The following ZNF678 variants were observed in gnomAD, a reference collection of about 807,000 sequenced individuals.
ZNF678 encodes the protein hypothetical protein MGC42493.
In ZNF678, 5 loss-of-function variants were observed where a neutral mutation model predicts 3.0. That is an observed-to-expected ratio of 1.69 (90% CI 0.88 to 3.56). ZNF678 has a LOEUF of 3.56. ZNF678 is among the 30% of genes most tolerant of loss of function. The pLI, the probability that ZNF678 is intolerant of heterozygous loss-of-function variation, is 0.00. For synonymous variants in ZNF678, 218 were observed against 199.6 expected, an observed-to-expected ratio of 1.09 and a Z score of -0.78; for missense variants, 593 against 605.0, an observed-to-expected ratio of 0.98 and a Z score of 0.21.
At chr1:227,606,023 G>T (rs1232173292) in intron 1 of ZNF678, among the ~76,000 whole-genome samples, 2 of 152,128 alleles carry the variant, frequency 1.3e-5, no homozygotes, top group East Asian at 3.9e-4. Context: ...AAGTGAAGGG[G>T]GCCTGCCCCT....
At chr1:227,643,989 G>A (rs1245083603) in intron 1 of ZNF678, among the ~76,000 whole-genome samples, 4 of 150,434 alleles carry the variant, frequency 2.7e-5, no homozygotes, top group Admixed American at 6.6e-5. Context: ...TCAGCCTCCC[G>A]AGTGGCTGGG....
chr1:227,652,381 T>C (rs1659111925), intron 3 of ZNF678, among the ~76,000 whole-genome samples: 1 of 152,156 alleles, frequency 6.6e-6, no homozygotes. Context: ...TAGTTTGTGG[T>C]TTTTAAAATT....
intron 1 of ZNF678, among the ~76,000 whole-genome samples, chr1:227,621,279 A>C (rs1162140952): frequency 6.6e-6 from 1 of 152,224 alleles, no homozygotes; most frequent in South Asian, 2.1e-4. Flanking sequence ...CATTGTTAAT[A>C]AACTATGTAT....
chr1:227,582,540 G>A, intron 1 of ZNF678: 1 of 205,530 alleles, frequency 4.9e-6, no homozygotes, highest in Non-Finnish European at 1.0e-5. Context: ...TGTTGCCCAG[G>A]CTGGTCTTGA....
chr1:227,643,863 C>CTTTTTTTTT (rs554280668), intron 1 of ZNF678, among the ~76,000 whole-genome samples: 31 of 115,354 alleles, frequency 2.7e-4, no homozygotes, highest in African/African-American at 3.4e-4. Context: ...CTTTTCTTTT[C>CTTTTTTTTT]TTTTTTTTTT....
At position 227,658,000 on chromosome 1, in the gene ZNF678, C is replaced by T. The variant is rs1659294383; in HGVS notation, c.*2172C>T. On this transcript the variant is annotated 3_prime_UTR_variant, in exon 4 of 4. Coordinates refer to ENST00000343776, the MANE Select transcript of ZNF678 (RefSeq NM_001367909.1). ...CATTCCAAAGTTCATGAAATTTTCT[C>T]TATATTCCTGAGAAATTCTAAGAAT... The T allele has an allele frequency of 1.3e-5, 2 of 151,888 alleles. No homozygotes were observed. The highest frequency in any genetic ancestry group is 4.8e-5 in the African/African-American group (2 of 41,392). 9.4% of individuals were successfully genotyped at this position (151,888 alleles called of 1,614,324 possible). A position where few individuals can be genotyped will look rare whatever the true frequency, so the allele number is the denominator to read the frequency against.
At chr1:227,575,645 CG>C (rs993293248) in intron 1 of ZNF678, among the ~76,000 whole-genome samples, 12 of 152,066 alleles carry the variant, frequency 7.9e-5, no homozygotes, top group Admixed American at 3.9e-4. Context: ...GATTTTGGGG[CG>C]AGACCGTGAG....
downstream of ZNF678, among the ~76,000 whole-genome samples, chr1:227,666,808 G>C (rs2102818384): frequency 6.7e-6 from 1 of 148,350 alleles, no homozygotes; most frequent in East Asian, 2.0e-4. Flanking sequence ...GCAATGGCAG[G>C]ATCTTGGCTC....
intron 1 of ZNF678, among the ~76,000 whole-genome samples, chr1:227,578,977 T>A (rs1348743546): frequency 1.3e-5 from 2 of 152,348 alleles, no homozygotes; most frequent in East Asian, 3.9e-4. Flanking sequence ...AAATGTGGAT[T>A]CAGCCAACTG....
At chr1:227,627,805 C>T (rs1341810998) in intron 1 of ZNF678, among the ~76,000 whole-genome samples, 2 of 152,162 alleles carry the variant, frequency 1.3e-5, no homozygotes, top group East Asian at 1.9e-4. Flanking sequence ...CACTGCATAC[C>T]CCGCCTTTCG....
At chr1:227,600,837 C>T in intron 1 of ZNF678, among the ~76,000 whole-genome samples, 1 of 152,162 alleles carries the variant, frequency 6.6e-6, no homozygotes. Flanking sequence ...CTTTTGGCAT[C>T]TTCGTCATGA....
At chr1:227,599,234 A>G in intron 1 of ZNF678, 1 of 711,216 alleles carries the variant, frequency 1.4e-6, no homozygotes, top group African/African-American at 1.8e-5. Context: ...TTTTAACAGT[A>G]TTGATCACAT....
chr1:227,566,938 CTT>C (rs1258795047), intron 1 of ZNF678, among the ~76,000 whole-genome samples: 1 of 152,132 alleles, frequency 6.6e-6, no homozygotes, highest in African/African-American at 2.4e-5. Context: ...GGAAACGTCT[CTT>C]TTTCATTATG....
chr1:227,600,985 A>G (rs1214846861), intron 1 of ZNF678, among the ~76,000 whole-genome samples: 3 of 152,242 alleles, frequency 2.0e-5, no homozygotes, highest in Admixed American at 1.3e-4. Context: ...AATCTTCTGC[A>G]TATGGCTAGC....
At chr1:227,642,861 G>A (rs1194374655) in intron 1 of ZNF678, among the ~76,000 whole-genome samples, 2 of 152,092 alleles carry the variant, frequency 1.3e-5, no homozygotes, top group Non-Finnish European at 2.9e-5. Flanking sequence ...CAGTTTCCTG[G>A]TACTTGGATG....
At chr1:227,596,594 C>T (rs1159718064) in intron 1 of ZNF678, among the ~76,000 whole-genome samples, 1 of 152,198 alleles carries the variant, frequency 6.6e-6, no homozygotes, top group Non-Finnish European at 1.5e-5. Context: ...GTTTTTACTT[C>T]TTCTTTCTTT....
At chr1:227,616,708 G>T (rs549993420) in intron 1 of ZNF678, among the ~76,000 whole-genome samples, 27 of 152,300 alleles carry the variant, frequency 1.8e-4, no homozygotes, top group African/African-American at 6.5e-4. Flanking sequence ...CTGTCCGGGG[G>T]TGTCTCAGAA....
chr1:227,595,942 G>A (rs1657574687), intron 1 of ZNF678, among the ~76,000 whole-genome samples: 1 of 152,244 alleles, frequency 6.6e-6, no homozygotes, highest in Non-Finnish European at 1.5e-5. Context: ...AAGGCACGCT[G>A]TGGGTGATCA....
At chr1:227,628,444 T>C (rs1321948544) in intron 1 of ZNF678, among the ~76,000 whole-genome samples, 1 of 152,222 alleles carries the variant, frequency 6.6e-6, no homozygotes, top group Admixed American at 6.5e-5. Flanking sequence ...TGAGTTCCCG[T>C]AATTAGTGTG....
Sources: allele counts gnomAD v4.1 joint callset (sites outside exome capture counted in the v4.1 genomes callset), GRCh38; gene constraint gnomAD v4.1.1; transcripts MANE v1.5; gene names NCBI Gene and HGNC (gene_info 2026-07-23, HGNC 2026-07-21).